Variants in SLC30A3 observed in about 807,000 individuals in gnomAD.
SLC30A3 encodes the protein solute carrier family 30 member 3.
A neutral mutation model predicts 35.6 loss-of-function variants in SLC30A3; 20 were observed. That is an observed-to-expected ratio of 0.56 (90% CI 0.39 to 0.82). The LOEUF (loss-of-function observed/expected upper bound fraction) is 0.82, where lower values mean the gene tolerates loss of function less well. SLC30A3 is among the 40% of genes least tolerant of loss of function. The probability of loss-of-function intolerance (pLI) is 0.00; values close to 1 mark genes in which losing one functional copy is unlikely to be tolerated. For synonymous variants in SLC30A3, 217 were observed against 224.7 expected (o/e 0.97, Z 0.31); for missense variants, 401 against 530.6 (o/e 0.76, Z 2.40).
Position 27,262,580 on chromosome 2 carries a change from G to A in SLC30A3, c.95+232C>T, listed in dbSNP as rs1274842387. On this transcript the variant is annotated intron_variant, in intron 1 of 7. Transcript: ENST00000233535. The surrounding 1 kb of genome is among the most constrained non-coding windows in gnomAD (Gnocchi z 7.5). ...GCGGCCTGGGACGCCGGCCGGAGGG[G>A]AGTGAGAGGCCGCTTCACCCGAGGA... Among the ~76,000 whole-genome samples, 2 of 152,138 alleles carry A rather than the reference G, an allele frequency of 1.3e-5. No homozygotes were observed. The highest frequency in any genetic ancestry group is 2.9e-5 in the Non-Finnish European group (2 of 68,000).
Position 27,254,974 on chromosome 2 carries a change from A to C in SLC30A3, c.*338T>G. The C allele has an allele frequency of 1.1e-6, 1 of 925,068 alleles. No homozygotes were observed. Among genetic ancestry groups the C allele is most frequent in the Non-Finnish European group, 1.4e-6 (1 of 690,070 alleles). 57.3% of individuals were successfully genotyped at this position (925,068 alleles called of 1,614,324 possible). A position where few individuals can be genotyped will look rare whatever the true frequency, so the allele number is the denominator to read the frequency against. ...AGCCAGCCAGCCTGCCACACAGACA[A>C]ATGGACTGCAGGGAAAGGATGTTCG... On this transcript the variant is annotated 3_prime_UTR_variant, in exon 8 of 8. Coordinates refer to ENST00000233535, the MANE Select transcript of SLC30A3 (RefSeq NM_003459.5).
At position 27,262,532 on chromosome 2, in the gene SLC30A3, C is replaced by T. The variant is rs1370865749; in HGVS notation, c.95+280G>A. Among the ~76,000 whole-genome samples, 3 of 151,986 alleles carry T rather than the reference C, an allele frequency of 2.0e-5. No individual in the cohort carries two copies. Among genetic ancestry groups the T allele is most frequent in the Non-Finnish European group, 4.4e-5 (3 of 67,958 alleles). On this transcript the variant is annotated intron_variant, in intron 1 of 7. Transcript: ENST00000233535. This position sits in a 1 kb window ranked among gnomAD's most constrained non-coding sequence, Gnocchi z 7.5. ...AGCTGCTCCCAGGGAAGGCAGGCGC[C>T]GCGGGGGTGGCGGAGGGGTCCGGCG...
At position 27,254,759 on chromosome 2, in the gene SLC30A3, A is replaced by AAC. The variant is rs371039560; in HGVS notation, c.*551_*552dup. The AAC allele has an allele frequency of 0.096, 16,892 of 176,046 alleles. 904 individuals carry two copies. Among genetic ancestry groups the AAC allele is most frequent in the Non-Finnish European group, 0.13 (10,958 of 85,202 alleles). 10.9% of individuals were successfully genotyped at this position (176,046 alleles called of 1,614,324 possible). A position where few individuals can be genotyped will look rare whatever the true frequency, so the allele number is the denominator to read the frequency against. On this transcript the variant is annotated 3_prime_UTR_variant, in exon 8 of 8. Transcript: ENST00000233535. The stretch of plus-strand genomic sequence containing the variant: ...GAGACACACAGGCCACAGCACCAAG[A>AAC]ACACACACACACACACACACACACA...
At chr2:27,268,966 T>C (rs1677612274) in intron 1 of SLC30A3, among the ~76,000 whole-genome samples, 1 of 151,934 alleles carries the variant, frequency 6.6e-6, no homozygotes, top group African/African-American at 2.4e-5. Context: ...CAGTGTGATA[T>C]GGAAATCCTT....
upstream of SLC30A3, among the ~76,000 whole-genome samples, chr2:27,265,615 T>G (rs142992546): frequency 6.6e-6 from 1 of 152,240 alleles, no homozygotes; most frequent in East Asian, 1.9e-4. The surrounding 1 kb of genome is among the most constrained non-coding windows in gnomAD (Gnocchi z 5.9). Context: ...AGGTCCAACT[T>G]CTACTCCATG....
intron 1 of SLC30A3, among the ~76,000 whole-genome samples, chr2:27,270,491 C>T (rs1462331507): frequency 2.6e-5 from 4 of 151,982 alleles, no homozygotes; most frequent in Admixed American, 1.3e-4. Flanking sequence ...CTGATTTTTC[C>T]TTTCTTCCCA....
intron 7 of SLC30A3, chr2:27,256,051 G>T (rs187057631): frequency 2.9e-6 from 1 of 340,352 alleles, no homozygotes; most frequent in African/African-American, 2.1e-5. Flanking sequence ...GATACCTCAG[G>T]GTGGAGGTGC....
chr2:27,266,712 A>G (rs1677509812), upstream of SLC30A3, among the ~76,000 whole-genome samples: 1 of 152,152 alleles, frequency 6.6e-6, no homozygotes, highest in Non-Finnish European at 1.5e-5. Flanking sequence ...CCTGGCCAAC[A>G]TGGTGAAACC....
upstream of SLC30A3, chr2:27,263,990 CA>C (rs760777149): frequency 1.6e-4 from 199 of 1,272,694 alleles, no homozygotes; most frequent in Non-Finnish European, 1.9e-4. Context: ...AACTAAAACC[CA>C]GGGGAGGGAG....
rs1335996292 is a variant in SLC30A3 at position 27,262,628 on chromosome 2, G to A, written c.95+184C>T. ...GGAAGTCAGGCGGCCGGGAGGAGGC[G>A]TAGCCGGCTGTGTAGGGCTGGGCGC... On this transcript the variant is annotated intron_variant, in intron 1 of 7. Transcript: ENST00000233535. This position sits in a 1 kb window ranked among gnomAD's most constrained non-coding sequence, Gnocchi z 7.5. Among the ~76,000 whole-genome samples, 1 of 152,180 alleles carries A rather than the reference G, an allele frequency of 6.6e-6. No homozygotes were observed. The highest frequency in any genetic ancestry group is 1.9e-4 in the East Asian group (1 of 5,174).
chr2:27,264,800 G>A (rs1449670422), upstream of SLC30A3, among the ~76,000 whole-genome samples: 2 of 152,238 alleles, frequency 1.3e-5, no homozygotes, highest in African/African-American at 4.8e-5. This position sits in a 1 kb window ranked among gnomAD's most constrained non-coding sequence, Gnocchi z 6.1. Context: ...GCGAGAGCAG[G>A]AAACCACCGG....
rs2148122345 is a variant in SLC30A3, at chr2:27,257,825, G to A, written c.578+80C>T. On this transcript the variant is annotated intron_variant, in intron 4 of 7. Transcript: ENST00000233535. The surrounding 1 kb of genome is among the most constrained non-coding windows in gnomAD (Gnocchi z 4.7). The stretch of plus-strand genomic sequence containing the variant: ...GCGTGTCTGTGTGTCTGGTGGGGAG[G>A]AGAGAGCCAGCTCTCCCATCCTGGA... The A allele has an allele frequency of 1.4e-6, 2 of 1,400,474 alleles. No individual in the cohort carries two copies. The highest frequency in any genetic ancestry group is 1.3e-5 in the South Asian group (1 of 77,302). 86.8% of individuals were successfully genotyped at this position (1,400,474 alleles called of 1,614,324 possible).
At chr2:27,275,075 T>A in intron 1 of SLC30A3, 1 of 700,776 alleles carries the variant, frequency 1.4e-6, no homozygotes, top group Non-Finnish European at 2.2e-6. Flanking sequence ...TGTGGAGGTG[T>A]TTCCGGGTGG....
upstream of SLC30A3, chr2:27,275,545 G>A: frequency 3.1e-6 from 1 of 322,152 alleles, no homozygotes; most frequent in Non-Finnish European, 6.1e-6. Flanking sequence ...TTAAGAGAAC[G>A]ACTCCCAGGT....
chr2:27,254,759 AACACACACACACACAC>A lies in SLC30A3; in HGVS notation c.*537_*552del, dbSNP rs371039560. On this transcript the variant is annotated 3_prime_UTR_variant, in exon 8 of 8. Coordinates refer to ENST00000233535, the MANE Select transcript of SLC30A3 (RefSeq NM_003459.5). ...GAGACACACAGGCCACAGCACCAAG[AACACACACACACACAC>A]ACACACACACACACACACACACACA... 19 of 176,324 alleles carry A rather than the reference AACACACACACACACAC, an allele frequency of 1.1e-4. No homozygotes were observed. The highest frequency in any genetic ancestry group is 3.5e-4 in the African/African-American group (14 of 40,140). 10.9% of individuals were successfully genotyped at this position (176,324 alleles called of 1,614,324 possible).
At chr2:27,266,060 C>CT (rs1237606332), upstream of SLC30A3, among the ~76,000 whole-genome samples, 5,927 of 136,642 alleles carry the variant, frequency 0.043, 365 homozygotes, top group Admixed American at 0.16. Context: ...CTGTTTTGTT[C>CT]TTTTTTTTTT....
At chr2:27,256,971 G>A in intron 5 of SLC30A3, 78 bp from the exon 6 acceptor site, 1 of 1,178,364 alleles carries the variant, frequency 8.5e-7, no homozygotes, top group Non-Finnish European at 1.2e-6. Flanking sequence ...GAACAAACAT[G>A]ACCTGAGAGG....
In SLC30A3 at chr2:27,271,944, C is replaced by G. The variant is rs141678706; in HGVS notation, c.-159+3233G>C. On this transcript the variant is annotated intron_variant, in intron 1 of 5. Coordinates refer to the SLC30A3 transcript ENST00000424577. The surrounding 1 kb of genome is among the most constrained non-coding windows in gnomAD (Gnocchi z 4.3). The stretch of plus-strand genomic sequence containing the variant: ...ACATTCTGCAGCCTCTGTCAAGATG[C>G]GAAAGGTGTTTACTAACTCTTCTCA... 6.6e-6 allele frequency among the ~76,000 whole-genome samples: 1 copy of G among 152,212 alleles called. No individual in the cohort carries two copies. Among genetic ancestry groups the G allele is most frequent in the Non-Finnish European group, 1.5e-5 (1 of 68,032 alleles).
upstream of SLC30A3, chr2:27,263,116 C>A: frequency 7.4e-7 from 1 of 1,348,778 alleles, no homozygotes; most frequent in East Asian, 3.1e-5. Context: ...GGCGAGCTCC[C>A]CAAGCTCCGC....
Sources: allele counts gnomAD v4.1 joint callset (sites outside exome capture counted in the v4.1 genomes callset), GRCh38; gene constraint gnomAD v4.1.1; non-coding constraint Gnocchi (gnomAD v3.1); transcripts MANE v1.5; gene names NCBI Gene and HGNC (gene_info 2026-07-23, HGNC 2026-07-21).